HSD17B13: variants seen among roughly 807,000 people sequenced by gnomAD.
The protein encoded by HSD17B13 is hydroxysteroid 17-beta dehydrogenase 13.
HSD17B13 carries 26 observed loss-of-function variants against 31.1 expected under a neutral mutation model. The ratio of observed to expected loss-of-function variants is 0.84; its 90% confidence interval spans 0.61 to 1.16. The LOEUF is 1.16. HSD17B13 is among the 50% of genes most tolerant of loss of function. The pLI is 0.00. For missense variants in HSD17B13, 374 were observed against 366.5 expected (o/e 1.02, Z -0.17); for synonymous variants, 141 against 133.7 (o/e 1.05, Z -0.38).
intron 4 of HSD17B13, among the ~76,000 whole-genome samples, chr4:87,314,759 T>C (rs1373942441): frequency 6.6e-6 from 1 of 152,162 alleles, no homozygotes; most frequent in Non-Finnish European, 1.5e-5. Flanking sequence ...GACATAGACA[T>C]GTGTTCATTT....
At position 87,315,576 on chromosome 4, in the gene HSD17B13, C is replaced by G; in HGVS notation, c.474G>C (p.Ser158=). Residue 158 remains serine (S), a synonymous_variant, in exon 4 of 7, where the codon TCG becomes TCC. Coordinates refer to ENST00000328546, the MANE Select transcript of HSD17B13 (RefSeq NM_178135.5). The part of the protein sequence containing the change: ...HFWITKALLP[S]MMERNHGHIV... The stretch of plus-strand genomic sequence containing the variant: ...TGTGGCCATGATTTCTCTCCATCAT[C>G]GATGGAAGAAGTGCTTTTGTGATCT... 9 of 1,605,788 alleles carry G rather than the reference C, an allele frequency of 5.6e-6. No homozygotes were observed. Among genetic ancestry groups the G allele is most frequent in the Non-Finnish European group, 7.7e-6 (9 of 1,173,224 alleles).
intron 3 of HSD17B13, 135 bp from the exon 4 acceptor site, chr4:87,315,734 C>T: frequency 1.9e-6 from 1 of 523,078 alleles, no homozygotes; most frequent in Non-Finnish European, 3.4e-6. Flanking sequence ...TCCAAGCATT[C>T]CATGATTAAT....
In HSD17B13 at chr4:87,310,252, C is replaced by A. The variant is rs747005714; in HGVS notation, c.803G>T (p.Arg268Ile). 1 of 1,564,286 alleles carries A rather than the reference C, an allele frequency of 6.4e-7. No individual in the cohort carries two copies. The highest frequency in any genetic ancestry group is 2.1e-5 in the Admixed American group (1 of 47,230). Residue 268 changes from arginine (R) to isoleucine (I), a missense_variant, in exon 6 of 7, where the codon AGA (arginine) becomes ATA (isoleucine). By Grantham distance (97) the Arg-to-Ile change is moderately conservative (BLOSUM62 -3). Transcript: ENST00000328546. ...FVPSYINIFLRLQKFLPERAS... is the reference protein window; with the variant it reads ...FVPSYINIFLILQKFLPERAS... The stretch of plus-strand genomic sequence containing the variant: ...TCTGTGCTGTACTTACTTCTGTAGT[C>A]TCAGAAAGATATTGATATACGATGG...
rs1578434591 is a variant in HSD17B13, at chr4:87,305,158, A to C, written c.*60T>G. 9.2e-7 allele frequency: 1 copy of C among 1,092,428 alleles called. No homozygotes were observed. Among genetic ancestry groups the C allele is most frequent in the East Asian group, 2.5e-5 (1 of 39,354 alleles). The allele number at this position is 1,092,428 out of a possible 1,614,324, so 67.7% of individuals were successfully genotyped here. On this transcript the variant is annotated 3_prime_UTR_variant, in exon 7 of 7. Coordinates refer to ENST00000328546, the MANE Select transcript of HSD17B13 (RefSeq NM_178135.5). ...AAAATGTGAAATAAAGCTTTGCAGC[A>C]TTGATTCGAAACTATTCATATCATT...
chr4:87,313,746 C>T (rs1734585833), intron 5 of HSD17B13, 77 bp downstream of exon 5: 3 of 1,176,042 alleles, frequency 2.6e-6, no homozygotes, highest in Non-Finnish European at 3.6e-6. Flanking sequence ...ATTAGTTGGC[C>T]TGCCTAAACA....
intron 6 of HSD17B13, among the ~76,000 whole-genome samples, chr4:87,305,849 G>C (rs1560745248): frequency 1.3e-5 from 2 of 152,124 alleles, no homozygotes; most frequent in African/African-American, 4.8e-5. Flanking sequence ...GGAAGAAAGG[G>C]GAAAAAGTGT....
intron 5 of HSD17B13, among the ~76,000 whole-genome samples, chr4:87,312,162 A>AC (rs1734544462): frequency 6.6e-6 from 1 of 152,134 alleles, no homozygotes; most frequent in Non-Finnish European, 1.5e-5. Context: ...CTGAATGCCT[A>AC]CCAAGAGGGT....
intron 5 of HSD17B13, among the ~76,000 whole-genome samples, chr4:87,311,706 T>C (rs1345222304): frequency 2.6e-5 from 4 of 152,216 alleles, no homozygotes; most frequent in Middle Eastern, 3.2e-3. Context: ...AGCCAGTGAA[T>C]GTAAAGGCTG....
chr4:87,304,577 T>C lies in HSD17B13; in HGVS notation c.*641A>G, dbSNP rs980935716. On this transcript the variant is annotated 3_prime_UTR_variant, in exon 7 of 7. Transcript: ENST00000328546. ...GTCGGTCACCTTTCATAATGTATCTTATAAGACTATAAAAAGGGAGGAAAT... is the reference window on the plus strand; with the variant it reads ...GTCGGTCACCTTTCATAATGTATCTCATAAGACTATAAAAAGGGAGGAAAT... 2 of 152,188 alleles carry C rather than the reference T, an allele frequency of 1.3e-5. No individual in the cohort carries two copies. The highest frequency in any genetic ancestry group is 4.8e-5 in the African/African-American group (2 of 41,428). 9.4% of individuals were successfully genotyped at this position (152,188 alleles called of 1,614,324 possible).
intron 3 of HSD17B13, among the ~76,000 whole-genome samples, chr4:87,315,937 G>A (rs1002131546): frequency 3.3e-5 from 5 of 151,952 alleles, no homozygotes; most frequent in Admixed American, 6.6e-5. Flanking sequence ...TGATAATTTG[G>A]TGTCATATAA....
Position 87,318,356 on chromosome 4 carries a change from T to C in HSD17B13, c.291A>G (p.Arg97=). Residue 97 remains arginine (R), a synonymous_variant, in exon 2 of 7, where the codon AGA becomes AGG. Transcript: ENST00000328546. ...GATTTAGAGAGCGATAGATCTCTTCTCTGTTGCTGCAGTCTACCACATACG... is the reference window on the plus strand; with the variant it reads ...GATTTAGAGAGCGATAGATCTCTTCCCTGTTGCTGCAGTCTACCACATACG... The part of the protein sequence containing the change: ...AHAYVVDCSN[R]EEIYRSLNQV... The C allele has an allele frequency of 1.9e-6, 3 of 1,614,042 alleles. No homozygotes were observed. In the East Asian group the frequency reaches 6.7e-5, roughly 36 times the overall value.
At chr4:87,313,384 G>A (rs1483768278) in intron 5 of HSD17B13, among the ~76,000 whole-genome samples, 2 of 152,016 alleles carry the variant, frequency 1.3e-5, no homozygotes, top group Non-Finnish European at 2.9e-5. Context: ...CTTAATTTTC[G>A]GGTTCTTATC....
rs893877731 is a variant in HSD17B13, at chr4:87,303,967, C to G, written c.*1251G>C. 2.6e-5 allele frequency: 4 copies of G among 150,998 alleles called. No homozygotes were observed. The highest frequency in any genetic ancestry group is 4.9e-5 in the African/African-American group (2 of 40,928). 9.4% of individuals were successfully genotyped at this position (150,998 alleles called of 1,614,324 possible). The stretch of plus-strand genomic sequence containing the variant: ...TTCTATAATACATGTGAAAAACACA[C>G]AAAACAAGATTAGTCTTGATGTAGT... On this transcript the variant is annotated 3_prime_UTR_variant, in exon 7 of 7. Transcript: ENST00000328546.
At chr4:87,318,962 C>T (rs1233332914) in intron 1 of HSD17B13, among the ~76,000 whole-genome samples, 1 of 151,822 alleles carries the variant, frequency 6.6e-6, no homozygotes, top group Non-Finnish European at 1.5e-5. Context: ...GGGTGGATCA[C>T]TTGAGGTCAG....
At chr4:87,322,485 C>A in intron 1 of HSD17B13, 147 bp downstream of exon 1, 1 of 635,640 alleles carries the variant, frequency 1.6e-6, no homozygotes, top group East Asian at 2.7e-5. Flanking sequence ...ATCTAACTAA[C>A]CTGACACATA....
intron 6 of HSD17B13, among the ~76,000 whole-genome samples, chr4:87,307,515 T>A (rs1055773581): frequency 5.3e-5 from 8 of 152,202 alleles, no homozygotes; most frequent in African/African-American, 1.7e-4. Context: ...TTTCATTTTT[T>A]TAAAAAATTT....
Position 87,322,585 on chromosome 4 carries a change from CAT to C in HSD17B13, c.210+45_210+46del, listed in dbSNP as rs759544788. 108 of 1,334,754 alleles carry C rather than the reference CAT, an allele frequency of 8.1e-5. 1 individual carries two copies. The highest frequency in any genetic ancestry group is 1.1e-4 in the Non-Finnish European group (100 of 928,508). The allele number at this position is 1,334,754 out of a possible 1,614,324, so 82.7% of individuals were successfully genotyped here. Reference sequence around the variant, plus strand: ...GGTAAGTCAAATAATTCTTAAAATACATATCTTACTCTGTGACTTTAAAAAGT... The same window carrying C: ...GGTAAGTCAAATAATTCTTAAAATACATCTTACTCTGTGACTTTAAAAAGT... On this transcript the variant is annotated intron_variant, in intron 1 of 6. Coordinates refer to ENST00000328546, the MANE Select transcript of HSD17B13 (RefSeq NM_178135.5).
At chr4:87,311,974 T>G (rs1734538937) in intron 5 of HSD17B13, among the ~76,000 whole-genome samples, 1 of 152,164 alleles carries the variant, frequency 6.6e-6, no homozygotes, top group African/African-American at 2.4e-5. Context: ...CTAAGGAAAT[T>G]CACAATCTAG....
Position 87,318,316 on chromosome 4 carries a change from C to T in HSD17B13, c.318+13G>A. ...AAAATAATCTGAAGAAATTTGTGAA[C>T]CTGCAGTCTCACCTGATTTAGAGAG... On this transcript the variant is annotated intron_variant, in intron 2 of 6. Coordinates refer to ENST00000328546, the MANE Select transcript of HSD17B13 (RefSeq NM_178135.5). The T allele has an allele frequency of 6.3e-7, 1 of 1,579,688 alleles. No individual in the cohort carries two copies. The highest frequency in any genetic ancestry group is 8.7e-7 in the Non-Finnish European group (1 of 1,148,698).
Sources: gnomAD v4.1 joint callset for allele counts (sites outside exome capture counted in the v4.1 genomes callset) on GRCh38, gnomAD v4.1.1 for gene constraint, MANE v1.5 for transcripts, NCBI Gene and HGNC (gene_info 2026-07-23, HGNC 2026-07-21) for gene names.